Variants in TTC33 observed in about 807,000 individuals in gnomAD.
TTC33 encodes the protein tetratricopeptide repeat protein 33.
A neutral mutation model predicts 29.4 loss-of-function variants in TTC33; 24 were observed. The observed-to-expected ratio is 0.82, with a 90% CI of 0.59 to 1.15. The LOEUF (loss-of-function observed/expected upper bound fraction) is 1.15. Among genes scored for constraint, TTC33 ranks in the 50% most tolerant of loss-of-function variants. The probability of loss-of-function intolerance (pLI) is 0.00; values close to 1 mark genes in which losing one functional copy is unlikely to be tolerated. For synonymous variants in TTC33, 107 were observed against 100.3 expected (o/e 1.07, Z -0.40); for missense variants, 286 against 310.4 (o/e 0.92, Z 0.59).
chr5:40,742,759 G>A (rs144304840), intron 2 of TTC33, among the ~76,000 whole-genome samples: 2 of 151,968 alleles, frequency 1.3e-5, no homozygotes, highest in African/African-American at 4.8e-5. Context: ...TCGGGAGGAG[G>A]GTGAGAAAAT....
chr5:40,731,448 A>T (rs1742425320), intron 2 of TTC33, among the ~76,000 whole-genome samples: 1 of 152,210 alleles, frequency 6.6e-6, no homozygotes, highest in Non-Finnish European at 1.5e-5. Context: ...TAAAGGAAAG[A>T]GGTTTAATTG....
chr5:40,719,431 A>G (rs1250098049), intron 4 of TTC33, among the ~76,000 whole-genome samples: 1 of 152,122 alleles, frequency 6.6e-6, no homozygotes, highest in Non-Finnish European at 1.5e-5. Flanking sequence ...GATATACCAC[A>G]TTTTGTTTAT....
intron 2 of TTC33, among the ~76,000 whole-genome samples, chr5:40,741,517 ACTTCTGGAG>A (rs1392495072): frequency 1.1e-4 from 16 of 152,132 alleles, no homozygotes; most frequent in African/African-American, 3.9e-4. Context: ...GACCTCATAG[ACTTCTGGAG>A]CTTTTTCTCT....
intron 1 of TTC33, among the ~76,000 whole-genome samples, chr5:40,753,312 C>T (rs1038713854): frequency 6.6e-6 from 1 of 150,892 alleles, no homozygotes; most frequent in Non-Finnish European, 1.5e-5. Context: ...TGCAGTGAGC[C>T]GAGATTGCAC....
chr5:40,729,633 TA>T (rs935243130), intron 3 of TTC33, among the ~76,000 whole-genome samples: 1 of 152,220 alleles, frequency 6.6e-6, no homozygotes, highest in Non-Finnish European at 1.5e-5. Flanking sequence ...CTACTATATT[TA>T]ATCACAAGGA....
chr5:40,732,449 G>A (rs935933735), intron 2 of TTC33, among the ~76,000 whole-genome samples: 9 of 151,556 alleles, frequency 5.9e-5, no homozygotes, highest in African/African-American at 2.2e-4. Context: ...AATACTTTCT[G>A]TAACTATATC....
chr5:40,744,343 C>T (rs1742752461), intron 2 of TTC33, among the ~76,000 whole-genome samples: 1 of 152,100 alleles, frequency 6.6e-6, no homozygotes, highest in Non-Finnish European at 1.5e-5. Flanking sequence ...AGCTTAAGCA[C>T]ATTTTGTTTT....
chr5:40,724,303 C>T (rs758931694), intron 4 of TTC33, among the ~76,000 whole-genome samples: 2 of 152,138 alleles, frequency 1.3e-5, no homozygotes, highest in Non-Finnish European at 2.9e-5. Context: ...TCCACTTATA[C>T]GATATCTCTA....
chr5:40,737,841 T>G (rs1190940592), intron 2 of TTC33, among the ~76,000 whole-genome samples: 1 of 152,242 alleles, frequency 6.6e-6, no homozygotes, highest in East Asian at 1.9e-4. Flanking sequence ...TCAGACGGTA[T>G]GTACTCTTCC....
At chr5:40,732,218 T>C (rs1742447030) in intron 2 of TTC33, among the ~76,000 whole-genome samples, 1 of 152,102 alleles carries the variant, frequency 6.6e-6, no homozygotes, top group Admixed American at 6.6e-5. Flanking sequence ...GGTCTCACTA[T>C]GTTGCTCAGG....
In TTC33 at chr5:40,715,727, CA is replaced by C. The variant is rs1403585498; in HGVS notation, c.*417del. ...CTCTAATGAAGCAAGAAAAAGACAG[CA>C]AATATTAAGCGCAGTATATTTCTCA... is the stretch of plus-strand genomic sequence containing the variant. On this transcript the variant is annotated 3_prime_UTR_variant, in exon 5 of 5. Coordinates refer to ENST00000337702, the MANE Select transcript of TTC33 (RefSeq NM_012382.3). 6.4e-6 allele frequency: 1 copy of C among 155,204 alleles called. No individual in the cohort carries two copies. Among genetic ancestry groups the C allele is most frequent in the Non-Finnish European group, 1.4e-5 (1 of 70,134 alleles). 9.6% of individuals were successfully genotyped at this position (155,204 alleles called of 1,614,324 possible).
chr5:40,731,782 T>C (rs1742434291), intron 2 of TTC33, among the ~76,000 whole-genome samples: 1 of 152,196 alleles, frequency 6.6e-6, no homozygotes, highest in African/African-American at 2.4e-5. Context: ...TCTTCATCTA[T>C]TCAAAGGCTC....
chr5:40,731,221 C>A (rs773397228), intron 2 of TTC33, among the ~76,000 whole-genome samples: 31 of 152,292 alleles, frequency 2.0e-4, no homozygotes, highest in Non-Finnish European at 4.0e-4. Context: ...AAATGTCTTT[C>A]CTCCAGCATT....
chr5:40,743,191 G>C (rs1435913242), intron 2 of TTC33, among the ~76,000 whole-genome samples: 1 of 152,154 alleles, frequency 6.6e-6, no homozygotes, highest in Non-Finnish European at 1.5e-5. Context: ...CTTCAGACTG[G>C]GTAATCAGAG....
At chr5:40,755,166 G>A (rs533587390) in intron 1 of TTC33, among the ~76,000 whole-genome samples, 3 of 152,230 alleles carry the variant, frequency 2.0e-5, no homozygotes, top group Non-Finnish European at 4.4e-5. Flanking sequence ...TATAGTAGGC[G>A]CTCAACAACT....
intron 4 of TTC33, among the ~76,000 whole-genome samples, chr5:40,722,646 G>T (rs1742168243): frequency 6.6e-6 from 1 of 151,716 alleles, no homozygotes; most frequent in Non-Finnish European, 1.5e-5. Context: ...CCCCGTCTGG[G>T]AAGTGAGGCG....
At chr5:40,726,244 C>T (rs1220452085) in intron 4 of TTC33, among the ~76,000 whole-genome samples, 1 of 150,790 alleles carries the variant, frequency 6.6e-6, no homozygotes, top group Non-Finnish European at 1.5e-5. Flanking sequence ...TAAACATTTT[C>T]CAATGTTCAC....
At chr5:40,750,521 G>T (rs1008487887) in intron 1 of TTC33, among the ~76,000 whole-genome samples, 3 of 151,822 alleles carry the variant, frequency 2.0e-5, no homozygotes, top group African/African-American at 7.3e-5. Flanking sequence ...CCATGCCACC[G>T]AACTCCACCC....
intron 4 of TTC33, among the ~76,000 whole-genome samples, chr5:40,724,291 A>T: frequency 6.6e-6 from 1 of 152,218 alleles, no homozygotes; most frequent in East Asian, 1.9e-4. Flanking sequence ...ATTCTGCATA[A>T]TTCCACTTAT....
Sources: allele counts gnomAD v4.1 joint callset (sites outside exome capture counted in the v4.1 genomes callset), GRCh38; gene constraint gnomAD v4.1.1; transcripts MANE v1.5; gene names NCBI Gene and HGNC (gene_info 2026-07-23, HGNC 2026-07-21).